The following ACCSL variants were observed in gnomAD, a reference collection of about 807,000 sequenced individuals.
ACCSL encodes the protein 1-aminocyclopropane-1-carboxylate synthase homolog (inactive) like.
A neutral mutation model predicts 61.7 loss-of-function variants in ACCSL; 55 were observed. The ratio of observed to expected loss-of-function variants is 0.89; its 90% CI spans 0.72 to 1.12. The LOEUF is 1.12. Among genes scored for constraint, ACCSL ranks in the 50% most tolerant of loss-of-function variants. The pLI, the probability that ACCSL is intolerant of heterozygous loss-of-function variation, is 0.00. For missense variants in ACCSL, 632 were observed against 698.0 expected, an observed-to-expected ratio of 0.91 and a Z score of 1.07; for synonymous variants, 258 against 264.3, an observed-to-expected ratio of 0.98 and a Z score of 0.23.
chr11:44,046,627 G>A (rs373144392), upstream of ACCSL, among the ~76,000 whole-genome samples: 1 of 152,144 alleles, frequency 6.6e-6, no homozygotes, highest in Admixed American at 6.6e-5. Flanking sequence ...AAGTACTGGT[G>A]CCCTAAATTT....
chr11:43,943,590 C>T, the ACCSL span: 9 of 1,310,142 alleles, frequency 6.9e-6, no homozygotes, highest in Non-Finnish European at 9.1e-6. This position sits in a 1 kb window ranked among gnomAD's most constrained non-coding sequence, Gnocchi z 4.8. Flanking sequence ...GGCGGGTAGC[C>T]ACTCCATGCC....
the ACCSL span, among the ~76,000 whole-genome samples, chr11:44,042,900 GT>G: frequency 6.6e-6 from 1 of 151,954 alleles, no homozygotes; most frequent in African/African-American, 2.4e-5. Flanking sequence ...GGGCAACAAG[GT>G]GAGACCTGGT....
chr11:44,029,697 CAA>C, the ACCSL span, among the ~76,000 whole-genome samples: 3 of 152,104 alleles, frequency 2.0e-5, no homozygotes, highest in Non-Finnish European at 4.4e-5. Flanking sequence ...CTTCTAATTT[CAA>C]AGAGTCCATA....
the ACCSL span, among the ~76,000 whole-genome samples, chr11:44,009,576 G>T: frequency 6.6e-6 from 1 of 151,938 alleles, no homozygotes; most frequent in East Asian, 1.9e-4. Flanking sequence ...GACCAGCCTC[G>T]GCGACATAGT....
At chr11:43,961,894 G>A in the ACCSL span, among the ~76,000 whole-genome samples, 389 of 152,270 alleles carry the variant, frequency 2.6e-3, 2 homozygotes, top group African/African-American at 8.8e-3. Flanking sequence ...TACATAGGGC[G>A]TACCCCAAGT....
At chr11:43,976,310 C>T in the ACCSL span, among the ~76,000 whole-genome samples, 10 of 152,144 alleles carry the variant, frequency 6.6e-5, no homozygotes, top group African/African-American at 1.9e-4. Context: ...CAGTATTCTC[C>T]GATAATCTCC....
chr11:44,057,991 G>T (rs1952681863), intron 11 of ACCSL, among the ~76,000 whole-genome samples: 1 of 152,188 alleles, frequency 6.6e-6, no homozygotes, highest in Non-Finnish European at 1.5e-5. Flanking sequence ...TGGCCAACAT[G>T]GTGAAACCCC....
At chr11:43,941,949 T>G in the ACCSL span, among the ~76,000 whole-genome samples, 1 of 150,040 alleles carries the variant, frequency 6.7e-6, no homozygotes, top group African/African-American at 2.5e-5. Context: ...GGGACTTGGG[T>G]GGGGGAGTGA....
chr11:44,029,307 A>G, the ACCSL span, among the ~76,000 whole-genome samples: 1 of 152,228 alleles, frequency 6.6e-6, no homozygotes, highest in African/African-American at 2.4e-5. Context: ...TTCCTTCAAC[A>G]TGAGAAGCCT....
the ACCSL span, among the ~76,000 whole-genome samples, chr11:43,998,554 C>A: frequency 6.6e-6 from 1 of 152,244 alleles, no homozygotes; most frequent in Admixed American, 6.5e-5. Context: ...GGCTCCAGGG[C>A]CAGGCACCAA....
At chr11:44,051,130 T>C (rs1221049610) in intron 3 of ACCSL, among the ~76,000 whole-genome samples, 2 of 152,206 alleles carry the variant, frequency 1.3e-5, no homozygotes, top group Non-Finnish European at 2.9e-5. Context: ...CATGAGCCAC[T>C]GTGCCCGGCC....
the ACCSL span, chr11:44,001,183 G>A: frequency 6.6e-6 from 1 of 152,130 alleles, no homozygotes; most frequent in Non-Finnish European, 1.5e-5. Flanking sequence ...GGGGAGGACA[G>A]AAACATAAAC....
the ACCSL span, among the ~76,000 whole-genome samples, chr11:44,025,393 G>A: frequency 2.6e-3 from 402 of 152,026 alleles, 5 homozygotes; most frequent in East Asian, 0.033. Flanking sequence ...AATCTAGTTT[G>A]TACTAGTATC....
chr11:43,934,797 C>CCCGGGACACA, the ACCSL span, among the ~76,000 whole-genome samples: 1 of 152,188 alleles, frequency 6.6e-6, no homozygotes, highest in East Asian at 1.9e-4. Context: ...TGATGTGCAT[C>CCCGGGACACA]CTGGGACACA....
At chr11:44,018,738 T>C in the ACCSL span, among the ~76,000 whole-genome samples, 131,480 of 152,270 alleles carry the variant, frequency 0.86, 56,864 homozygotes, top group African/African-American at 0.9. Context: ...GAGGCCAAGG[T>C]AGGAGAATCA....
chr11:44,042,369 A>G, the ACCSL span, among the ~76,000 whole-genome samples: 1 of 152,244 alleles, frequency 6.6e-6, no homozygotes, highest in South Asian at 2.1e-4. Context: ...GATTAGGACT[A>G]ATAAATTCAG....
At chr11:43,990,637 C>A in the ACCSL span, among the ~76,000 whole-genome samples, 1 of 152,198 alleles carries the variant, frequency 6.6e-6, no homozygotes, top group Non-Finnish European at 1.5e-5. Flanking sequence ...AATGCTAGGT[C>A]TTGTTATCAA....
chr11:44,018,788 T>C, the ACCSL span, among the ~76,000 whole-genome samples: 1 of 152,188 alleles, frequency 6.6e-6, no homozygotes, highest in Non-Finnish European at 1.5e-5. Context: ...GACAGCATAC[T>C]AAGACCCCAT....
the ACCSL span, among the ~76,000 whole-genome samples, chr11:43,947,876 G>C: frequency 2.0e-5 from 3 of 152,324 alleles, no homozygotes; most frequent in African/African-American, 4.8e-5. Flanking sequence ...GCATCTGAAA[G>C]AGCTGTGGAG....
Sources: gnomAD v4.1 joint callset for allele counts (sites outside exome capture counted in the v4.1 genomes callset) on GRCh38, gnomAD v4.1.1 for gene constraint, Gnocchi (gnomAD v3.1) non-coding constraint, MANE v1.5 for transcripts, NCBI Gene and HGNC (gene_info 2026-07-23, HGNC 2026-07-21) for gene names.